The following FAT3 variants were observed in gnomAD, a reference collection of about 807,000 sequenced individuals.
FAT3 encodes the protein FAT atypical cadherin 3.
FAT3 carries 95 observed loss-of-function variants against 310.2 expected under a neutral mutation model. The observed-to-expected ratio is 0.31, with a 90% CI of 0.26 to 0.36. The LOEUF is 0.36. FAT3 is among the 10% of genes least tolerant of loss of function. The pLI, the probability that FAT3 is intolerant of heterozygous loss-of-function variation, is 1.00. For missense variants in FAT3, 5,408 were observed against 5,715.6 expected (o/e 0.95, Z 1.74); for synonymous variants, 2,314 against 2,192.9 (o/e 1.06, Z -1.54).
intron 3 of FAT3, among the ~76,000 whole-genome samples, chr11:92,581,166 C>A (rs1938776329): frequency 6.6e-6 from 1 of 151,992 alleles, no homozygotes; most frequent in South Asian, 2.1e-4. Flanking sequence ...CAGCATACTC[C>A]AGATCCTACT....
chr11:92,767,249 C>T (rs1385068379), intron 6 of FAT3, among the ~76,000 whole-genome samples: 2 of 138,292 alleles, frequency 1.4e-5, no homozygotes, highest in African/African-American at 2.8e-5. Context: ...AAGACTCTGT[C>T]TCAAAAAAAA....
intron 23 of FAT3, 145 bp from the exon 24 acceptor site, chr11:92,882,593 C>CT (rs1949696660): frequency 1.7e-6 from 1 of 572,428 alleles, no homozygotes. Flanking sequence ...CCTCCCCCCC[C>CT]CCACCAACCA....
chr11:92,450,213 C>T (rs1951320487), intron 2 of FAT3, among the ~76,000 whole-genome samples: 1 of 152,190 alleles, frequency 6.6e-6, no homozygotes, highest in Non-Finnish European at 1.5e-5. Context: ...AAAATTTCTC[C>T]TTCTTTTAAA....
chr11:92,621,646 C>T (rs1941094499), intron 3 of FAT3, among the ~76,000 whole-genome samples: 1 of 152,162 alleles, frequency 6.6e-6, no homozygotes, highest in Non-Finnish European at 1.5e-5. Context: ...CATTAATGAT[C>T]AGGATTGTTC....
In FAT3 at chr11:92,891,003, G is replaced by A. The variant is rs200062618; in HGVS notation, c.13660G>A (p.Gly4554Ser). 2.7e-4 allele frequency: 433 copies of A among 1,613,906 alleles called. No homozygotes were observed. Among genetic ancestry groups the A allele is most frequent in the Non-Finnish European group, 3.6e-4 (421 of 1,179,870 alleles). ...TSSSDVSANC[G>S]FDDSEVAMSD... is the part of the protein sequence containing the mutation. Reference sequence around the variant, plus strand: ...ATCCTCGGATGTGTCTGCCAACTGCGGCTTTGACGATTCCGAAGTAGCCAT... The same window carrying A: ...ATCCTCGGATGTGTCTGCCAACTGCAGCTTTGACGATTCCGAAGTAGCCAT... Residue 4554 changes from glycine to serine, a missense_variant, in exon 28 of 28, where the codon GGC becomes AGC. By Grantham distance (56) the Gly-to-Ser change is moderately conservative (BLOSUM62 0). Transcript: ENST00000525166.
chr11:92,801,833 C>T lies in FAT3; in HGVS notation c.8820C>T (p.Gly2940=), dbSNP rs149644914. 83 of 1,613,936 alleles carry T rather than the reference C, an allele frequency of 5.1e-5. 1 individual carries two copies. The highest frequency in any genetic ancestry group is 1.7e-4 in the Middle Eastern group (1 of 6,060). The change falls in exon 10 of 28, where the codon GGC becomes GGT. Residue 2940 remains glycine, a synonymous_variant. Transcript: ENST00000525166. ...RGNVKESDPP[G]EVVAVLSTWD... ...ATGTGAAGGAGAGCGACCCACCGGGCGAGGTGGTAGCCGTCCTCAGCACCT... is the reference window on the plus strand; with the variant it reads ...ATGTGAAGGAGAGCGACCCACCGGGTGAGGTGGTAGCCGTCCTCAGCACCT...
chr11:92,791,656 T>C (rs1314764533), intron 8 of FAT3, among the ~76,000 whole-genome samples: 1 of 152,218 alleles, frequency 6.6e-6, no homozygotes, highest in Non-Finnish European at 1.5e-5. Context: ...TAGGTACTAT[T>C]TCTGAAAACC....
chr11:92,229,510 T>TC lies in FAT3; in HGVS notation c.-18+4336_-18+4337insC, dbSNP rs1555062595. Among the ~76,000 whole-genome samples, 6 of 77,142 alleles carry TC rather than the reference T, an allele frequency of 7.8e-5. 2 individuals carry two copies. The highest frequency in any genetic ancestry group is 1.9e-4 in the Admixed American group (1 of 5,258). 50.6% of individuals were successfully genotyped at this position (77,142 alleles called of 152,430 possible). On this transcript the variant is annotated intron_variant, in intron 1 of 27. Transcript: ENST00000525166. ...TTTTCGTGTTTTTTTTTTTTTTGTT[T>TC]TTTGTTTTTTTTTACATTGCCTCCC...
At chr11:92,231,840 CTG>C (rs1229079850) in intron 1 of FAT3, among the ~76,000 whole-genome samples, 2 of 149,370 alleles carry the variant, frequency 1.3e-5, no homozygotes, top group Non-Finnish European at 1.5e-5. Flanking sequence ...CTATGTAAGT[CTG>C]TGTGTGTTTT....
chr11:92,513,760 T>A (rs780911067), intron 2 of FAT3, among the ~76,000 whole-genome samples: 1 of 152,168 alleles, frequency 6.6e-6, no homozygotes, highest in Admixed American at 6.6e-5. Context: ...ACAACAGATA[T>A]GCCATCAAGG....
chr11:92,524,630 T>C lies in FAT3; in HGVS notation c.3293-4T>C. 6.2e-7 allele frequency: 1 copy of C among 1,611,132 alleles called. No homozygotes were observed. Among genetic ancestry groups the C allele is most frequent in the Non-Finnish European group, 8.5e-7 (1 of 1,177,634 alleles). On this transcript the variant is annotated splice_polypyrimidine_tract_variant and splice_region_variant and intron_variant, in intron 2 of 27. Coordinates refer to ENST00000525166, the MANE Select transcript of FAT3 (RefSeq NM_001367949.2). ...GACAGTAACACTTCTCTTTTTTGTC[T>C]CAGGGGTCATCACTGCCGCAGACAT... is the stretch of plus-strand genomic sequence containing the variant.
chr11:92,395,108 C>T (rs773982047), intron 2 of FAT3, among the ~76,000 whole-genome samples: 8 of 152,196 alleles, frequency 5.3e-5, no homozygotes, highest in Admixed American at 2.0e-4. Flanking sequence ...TGCTTAATAA[C>T]ATTAGCTAAA....
At chr11:92,266,900 C>A (rs187783152) in intron 1 of FAT3, among the ~76,000 whole-genome samples, 1 of 152,256 alleles carries the variant, frequency 6.6e-6, no homozygotes, top group East Asian at 1.9e-4. Flanking sequence ...TTAACTCTGG[C>A]ATATCACCCA....
chr11:92,762,178 C>T lies in FAT3; in HGVS notation c.3984+8C>T, dbSNP rs374809806. 24 of 1,602,394 alleles carry T rather than the reference C, an allele frequency of 1.5e-5. No homozygotes were observed. In the African/African-American group the frequency reaches 2.6e-4, roughly 17 times the overall value. On this transcript the variant is annotated splice_region_variant and intron_variant, in intron 5 of 27. Coordinates refer to ENST00000525166, the MANE Select transcript of FAT3 (RefSeq NM_001367949.2). ...AGTTATGACATCCTAACGGTAAGAT[C>T]TTCCAAACTCCAGCAGCACAGCAGA... is the stretch of plus-strand genomic sequence containing the variant.
At chr11:92,625,358 T>C (rs565424911) in intron 3 of FAT3, among the ~76,000 whole-genome samples, 35 of 152,334 alleles carry the variant, frequency 2.3e-4, no homozygotes, top group South Asian at 1.2e-3. Context: ...CCATGGGCTG[T>C]CCATCTTATA....
intron 3 of FAT3, among the ~76,000 whole-genome samples, chr11:92,528,965 C>T (rs995127438): frequency 6.6e-6 from 1 of 152,198 alleles, no homozygotes; most frequent in Non-Finnish European, 1.5e-5. Context: ...TTGAGGAAGA[C>T]ATTTCTGAAA....
chr11:92,705,577 GA>G (rs1944281541), intron 4 of FAT3, among the ~76,000 whole-genome samples: 1 of 66,302 alleles, frequency 1.5e-5, no homozygotes. Context: ...TGGTGGTGGT[GA>G]TGGTGGTGGT....
intron 3 of FAT3, among the ~76,000 whole-genome samples, chr11:92,548,773 G>A (rs180910498): frequency 1.3e-5 from 2 of 152,276 alleles, no homozygotes; most frequent in Admixed American, 1.3e-4. Context: ...TAGGGAAGAA[G>A]TGAGAGAGGG....
At chr11:92,685,532 GCA>G (rs1366816369) in intron 3 of FAT3, among the ~76,000 whole-genome samples, 3 of 151,410 alleles carry the variant, frequency 2.0e-5, no homozygotes, top group African/African-American at 7.3e-5. Context: ...GTGTGTGTGT[GCA>G]CACGCGTACA....
Sources: gnomAD v4.1 joint callset for allele counts (sites outside exome capture counted in the v4.1 genomes callset) on GRCh38, gnomAD v4.1.1 for gene constraint, MANE v1.5 for transcripts, NCBI Gene and HGNC (gene_info 2026-07-23, HGNC 2026-07-21) for gene names.